CAST: variants seen among roughly 807,000 people sequenced by gnomAD.
The protein encoded by CAST is MIR583 host.
Under a neutral mutation model 119.6 loss-of-function variants are expected in CAST, and 76 were observed. The ratio of observed to expected loss-of-function variants is 0.64; its 90% CI spans 0.53 to 0.77. The LOEUF (loss-of-function observed/expected upper bound fraction) is 0.77, where lower values mean the gene tolerates loss of function less well. CAST is among the 30% of genes least tolerant of loss of function. The probability of loss-of-function intolerance (pLI) is 0.00; values close to 1 mark genes in which losing one functional copy is unlikely to be tolerated. For missense variants in CAST, 953 were observed against 946.5 expected, an observed-to-expected ratio of 1.01 and a Z score of -0.09; for synonymous variants, 319 against 331.6, an observed-to-expected ratio of 0.96 and a Z score of 0.41.
At chr5:96,228,983 TATCTG>T in the CAST span, among the ~76,000 whole-genome samples, 1 of 152,062 alleles carries the variant, frequency 6.6e-6, no homozygotes, top group South Asian at 2.1e-4. Context: ...ATAAAAATCT[TATCTG>T]ATTGGTTTTC....
At chr5:96,336,776 C>T in the CAST span, among the ~76,000 whole-genome samples, 1 of 152,154 alleles carries the variant, frequency 6.6e-6, no homozygotes. Context: ...ATGTGATGGA[C>T]CTCAAAACAC....
the CAST span, among the ~76,000 whole-genome samples, chr5:96,288,409 C>A: frequency 6.6e-6 from 1 of 152,052 alleles, no homozygotes; most frequent in Non-Finnish European, 1.5e-5. Context: ...TTATGACTAC[C>A]ACTTAAAAAA....
chr5:96,383,782 G>A, the CAST span, among the ~76,000 whole-genome samples: 3 of 152,198 alleles, frequency 2.0e-5, no homozygotes, highest in Non-Finnish European at 4.4e-5. Flanking sequence ...AGAGAGTGAT[G>A]TGACAAGATA....
At chr5:96,445,197 C>T in the CAST span, among the ~76,000 whole-genome samples, 1 of 152,110 alleles carries the variant, frequency 6.6e-6, no homozygotes, top group East Asian at 1.9e-4. Flanking sequence ...GGGGAAAACA[C>T]CTTCAGTCTC....
chr5:96,316,065 A>T, the CAST span, among the ~76,000 whole-genome samples: 1 of 152,356 alleles, frequency 6.6e-6, no homozygotes, highest in Admixed American at 6.5e-5. Flanking sequence ...TTTCTGACCC[A>T]TGACATCTGG....
At chr5:96,161,778 T>C in the CAST span, among the ~76,000 whole-genome samples, 1 of 152,238 alleles carries the variant, frequency 6.6e-6, no homozygotes, top group East Asian at 1.9e-4. Context: ...TATTTATGTC[T>C]TTAATTTCTT....
chr5:96,589,576 C>T (rs1004533757), intron 1 of CAST, among the ~76,000 whole-genome samples: 9 of 152,120 alleles, frequency 5.9e-5, no homozygotes, highest in Non-Finnish European at 1.3e-4. Flanking sequence ...TATCACCTAT[C>T]GTCTCTGAAT....
At chr5:95,971,905 A>G in the CAST span, among the ~76,000 whole-genome samples, 2 of 151,880 alleles carry the variant, frequency 1.3e-5, no homozygotes, top group South Asian at 4.1e-4. Context: ...GCTGTTACAA[A>G]CATTCACAAA....
the CAST span, among the ~76,000 whole-genome samples, chr5:96,300,843 T>C: frequency 1.9e-4 from 28 of 150,518 alleles, no homozygotes; most frequent in South Asian, 4.6e-3. Context: ...CATTTTTTTT[T>C]TTTTTTTTTT....
the CAST span, among the ~76,000 whole-genome samples, chr5:96,471,901 C>T: frequency 2.6e-5 from 4 of 151,972 alleles, no homozygotes; most frequent in African/African-American, 9.7e-5. Flanking sequence ...AGGCTCATGC[C>T]AGCCTTTATC....
At chr5:96,366,993 C>T in the CAST span, among the ~76,000 whole-genome samples, 1 of 152,124 alleles carries the variant, frequency 6.6e-6, no homozygotes, top group African/African-American at 2.4e-5. Context: ...TGGTGGTGTA[C>T]AGATGGGGTT....
chr5:96,217,718 C>G, the CAST span, among the ~76,000 whole-genome samples: 1 of 152,038 alleles, frequency 6.6e-6, no homozygotes, highest in Admixed American at 6.6e-5. Flanking sequence ...GGAAGCCAGA[C>G]CCAAAATAAT....
At chr5:96,149,302 A>G in the CAST span, among the ~76,000 whole-genome samples, 1 of 152,210 alleles carries the variant, frequency 6.6e-6, no homozygotes, top group African/African-American at 2.4e-5. Flanking sequence ...CTCCTACCCC[A>G]CAGTGCCTTA....
intron 1 of CAST, among the ~76,000 whole-genome samples, chr5:96,656,875 G>A (rs996300583): frequency 1.3e-5 from 2 of 151,960 alleles, no homozygotes; most frequent in East Asian, 3.8e-4. Flanking sequence ...TTGATTCAAA[G>A]GAATCAAGAT....
At chr5:96,525,752 C>G (rs917793161), upstream of CAST, among the ~76,000 whole-genome samples, 1 of 152,072 alleles carries the variant, frequency 6.6e-6, no homozygotes, top group Non-Finnish European at 1.5e-5. Flanking sequence ...CAAACAACAA[C>G]AAAAAAACTG....
the CAST span, among the ~76,000 whole-genome samples, chr5:96,000,974 TAA>T: frequency 1.3e-5 from 2 of 152,196 alleles, no homozygotes; most frequent in Non-Finnish European, 2.9e-5. Context: ...TAAAAATGGC[TAA>T]AAATTCTGGG....
At chr5:96,495,610 T>C in the CAST span, among the ~76,000 whole-genome samples, 2 of 152,232 alleles carry the variant, frequency 1.3e-5, no homozygotes, top group African/African-American at 4.8e-5. Context: ...TTCTTTTTTA[T>C]GGCTGCATAG....
At chr5:96,102,309 C>T in the CAST span, among the ~76,000 whole-genome samples, 1,114 of 152,044 alleles carry the variant, frequency 7.3e-3, 15 homozygotes, top group African/African-American at 0.026. Context: ...GATAATCTTC[C>T]CTGAAGTCTG....
intron 1 of CAST, among the ~76,000 whole-genome samples, chr5:96,535,642 C>T (rs899783488): frequency 3.6e-5 from 5 of 139,678 alleles, no homozygotes; most frequent in African/African-American, 5.4e-5. Flanking sequence ...GGCGCGATCT[C>T]GGCTCACTGC....
Sources: allele counts gnomAD v4.1 joint callset (sites outside exome capture counted in the v4.1 genomes callset), GRCh38; gene constraint gnomAD v4.1.1; transcripts MANE v1.5; gene names NCBI Gene and HGNC (gene_info 2026-07-23, HGNC 2026-07-21).